NEK1: variants seen among roughly 807,000 people sequenced by gnomAD.
NEK1 encodes the protein serine/threonine-protein kinase Nek1.
NEK1 carries 137 observed loss-of-function variants against 182.1 expected under a neutral mutation model. The observed-to-expected ratio is 0.75, with a 90% CI of 0.65 to 0.87. The LOEUF is 0.87. NEK1 is among the 40% of genes least tolerant of loss of function. The probability of loss-of-function intolerance (pLI) is 0.00; values close to 1 mark genes in which losing one functional copy is unlikely to be tolerated. For synonymous variants in NEK1, 513 were observed against 492.2 expected, an observed-to-expected ratio of 1.04 and a Z score of -0.56; for missense variants, 1,391 against 1,494.4, an observed-to-expected ratio of 0.93 and a Z score of 1.14.
At chr4:169,582,544 C>T (rs1475005795) in intron 10 of NEK1, among the ~76,000 whole-genome samples, 4 of 152,144 alleles carry the variant, frequency 2.6e-5, no homozygotes, top group Non-Finnish European at 5.9e-5. Flanking sequence ...TCAACAAATG[C>T]ATTTTTTTCC....
At chr4:169,464,559 A>G (rs183185048) in intron 26 of NEK1, among the ~76,000 whole-genome samples, 7 of 152,254 alleles carry the variant, frequency 4.6e-5, no homozygotes, top group Non-Finnish European at 8.8e-5. Flanking sequence ...CTGGTACTCA[A>G]AAGTTTCAGA....
At chr4:169,400,157 A>G (rs1019756717) in intron 35 of NEK1, 68 bp downstream of exon 35, 4 of 1,417,386 alleles carry the variant, frequency 2.8e-6, no homozygotes, top group Non-Finnish European at 3.9e-6. Flanking sequence ...AAGCTGATTC[A>G]TATACATGTA....
At chr4:169,571,953 T>C (rs145853108) in intron 12 of NEK1, among the ~76,000 whole-genome samples, 8,497 of 150,322 alleles carry the variant, frequency 0.057, 820 homozygotes, top group African/African-American at 0.2. Flanking sequence ...TTGGCCATGA[T>C]GGTCTCAATC....
chr4:169,489,358 C>A (rs902202577), intron 23 of NEK1, among the ~76,000 whole-genome samples: 1 of 152,048 alleles, frequency 6.6e-6, no homozygotes, highest in Non-Finnish European at 1.5e-5. Flanking sequence ...ATTACAAATG[C>A]CTAATGCTCT....
chr4:169,499,220 C>T (rs935255988), intron 23 of NEK1, among the ~76,000 whole-genome samples: 24 of 152,304 alleles, frequency 1.6e-4, no homozygotes, highest in Non-Finnish European at 2.6e-4. Context: ...GCATTCGTCA[C>T]GTAGTTCTTG....
intron 19 of NEK1, among the ~76,000 whole-genome samples, chr4:169,530,839 G>A (rs1472466851): frequency 6.6e-6 from 1 of 150,652 alleles, no homozygotes; most frequent in Non-Finnish European, 1.5e-5. Context: ...CTGGAAAAAA[G>A]TCTATATCAC....
intron 5 of NEK1, among the ~76,000 whole-genome samples, chr4:169,593,946 A>G (rs1581034894): frequency 6.6e-6 from 1 of 150,634 alleles, no homozygotes; most frequent in East Asian, 2.0e-4. Context: ...CCGAGATCGC[A>G]CCACTGCACT....
intron 27 of NEK1, among the ~76,000 whole-genome samples, chr4:169,451,266 C>CA (rs1741702839): frequency 6.6e-6 from 1 of 152,320 alleles, no homozygotes; most frequent in East Asian, 1.9e-4. Flanking sequence ...GACCTGAACT[C>CA]AGCTCTGCAA....
At chr4:169,547,290 G>A (rs936821476) in intron 18 of NEK1, among the ~76,000 whole-genome samples, 2 of 152,332 alleles carry the variant, frequency 1.3e-5, no homozygotes, top group African/African-American at 2.4e-5. Flanking sequence ...GAAGAATGTT[G>A]AATATTGACC....
intron 27 of NEK1, among the ~76,000 whole-genome samples, chr4:169,448,778 T>C (rs946559534): frequency 2.0e-5 from 3 of 152,152 alleles, no homozygotes; most frequent in African/African-American, 4.8e-5. Context: ...CCAACTGAGG[T>C]ACCTGGTTCA....
intron 19 of NEK1, among the ~76,000 whole-genome samples, chr4:169,523,574 T>C (rs191621956): frequency 2.6e-5 from 4 of 152,350 alleles, no homozygotes; most frequent in African/African-American, 9.6e-5. Context: ...ACAACCCTGC[T>C]GACACACTGA....
At chr4:169,577,946 A>C (rs1765979466) in intron 11 of NEK1, among the ~76,000 whole-genome samples, 1 of 152,108 alleles carries the variant, frequency 6.6e-6, no homozygotes, top group South Asian at 2.1e-4. Context: ...ATCTTAAAAC[A>C]ATCATTATCA....
At position 169,508,780 on chromosome 4, in the gene NEK1, T is replaced by C; in HGVS notation, c.1738A>G (p.Lys580Glu). ...TGCGGGAAGCATACCTCTTCCTCTT[T>C]GTTTCTTGGCTTCCCTCCTCTTGAA... The part of the protein sequence containing the change: ...SSSRGGKPRN[K>E]EEEVYLARLR... The change falls in exon 20 of 36, where the codon AAA becomes GAA. Residue 580 changes from lysine (K) to glutamate (E), a missense_variant. This residue lies in a region of NEK1 where 1,216 missense variants were observed against 1,277.6 expected (regional missense o/e 0.95). Transcript: ENST00000507142. 1 of 1,583,206 alleles carries C rather than the reference T, an allele frequency of 6.3e-7. No individual in the cohort carries two copies. Among genetic ancestry groups the C allele is most frequent in the South Asian group, 1.1e-5 (1 of 87,792 alleles).
intron 23 of NEK1, among the ~76,000 whole-genome samples, chr4:169,487,022 C>A (rs1384786033): frequency 2.0e-5 from 3 of 151,914 alleles, no homozygotes; most frequent in Non-Finnish European, 4.4e-5. Flanking sequence ...AAAAAAAGGA[C>A]CCATCATCAC....
chr4:169,577,153 T>C (rs1038580100), intron 11 of NEK1, 74 bp from the exon 12 acceptor site: 20 of 1,361,850 alleles, frequency 1.5e-5, no homozygotes, highest in African/African-American at 5.8e-5. Flanking sequence ...TTCTTCAAGA[T>C]AGCACTGTTT....
intron 3 of NEK1, 139 bp from the exon 4 acceptor site, chr4:169,602,243 G>A (rs1377418838): frequency 4.5e-6 from 3 of 667,716 alleles, no homozygotes; most frequent in Non-Finnish European, 7.8e-6. Context: ...TAAAAAGAAT[G>A]AGTTGAATCT....
At chr4:169,546,017 A>T (rs1372275915) in intron 18 of NEK1, among the ~76,000 whole-genome samples, 1 of 152,164 alleles carries the variant, frequency 6.6e-6, no homozygotes, top group East Asian at 1.9e-4. Flanking sequence ...TACAGATTCA[A>T]TGCCATCCCC....
At chr4:169,556,310 CA>C (rs2149912098) in intron 16 of NEK1, among the ~76,000 whole-genome samples, 1 of 152,102 alleles carries the variant, frequency 6.6e-6, no homozygotes, top group South Asian at 2.1e-4. Flanking sequence ...GATAATAAAG[CA>C]TAATGTGACA....
In NEK1 at chr4:169,577,113, G is replaced by A. The variant is rs770940579; in HGVS notation, c.869-34C>T. 6.2e-6 allele frequency: 10 copies of A among 1,605,206 alleles called. No individual in the cohort carries two copies. The African/African-American group carries it at 1.1e-4, about 17-fold the overall frequency. ...AAAGATACAAAGAATTTTGTCTGCA[G>A]TTCTTTACATTAACTCTTTACTTTC... On this transcript the variant is annotated intron_variant, in intron 11 of 35. Transcript: ENST00000507142.
Sources: allele counts gnomAD v4.1 joint callset (sites outside exome capture counted in the v4.1 genomes callset), GRCh38; gene constraint gnomAD v4.1.1; regional missense constraint gnomAD v4.1.1; transcripts MANE v1.5; gene names NCBI Gene and HGNC (gene_info 2026-07-23, HGNC 2026-07-21).